Variants in TECPR1 observed in about 807,000 individuals in gnomAD.
TECPR1 encodes the protein tectonin beta-propeller repeat-containing protein 1.
TECPR1 carries 122 observed loss-of-function variants against 162.4 expected under a neutral mutation model. That is an observed-to-expected ratio of 0.75 (90% CI 0.65 to 0.87). The LOEUF is 0.87. TECPR1 is among the 40% of genes least tolerant of loss of function. The pLI, the probability that TECPR1 is intolerant of heterozygous loss-of-function variation, is 0.00. For synonymous variants in TECPR1, 642 were observed against 670.6 expected, an observed-to-expected ratio of 0.96 and a Z score of 0.66; for missense variants, 1,432 against 1,618.2, an observed-to-expected ratio of 0.88 and a Z score of 1.97.
intron 10 of TECPR1, among the ~76,000 whole-genome samples, 154 bp downstream of exon 10, chr7:98,236,622 C>T (rs1220254474): frequency 6.6e-6 from 1 of 151,366 alleles, no homozygotes; most frequent in African/African-American, 2.4e-5. Context: ...GGCTTCGGCT[C>T]TTGTGGCTTT....
intron 11 of TECPR1, 117 bp downstream of exon 11, chr7:98,233,304 G>A: frequency 7.8e-7 from 1 of 1,273,898 alleles, no homozygotes; most frequent in Non-Finnish European, 1.0e-6. Context: ...GCACAGTGAG[G>A]CGTCCAGGGA....
At chr7:98,223,527 T>G (rs2116541911) in intron 20 of TECPR1, 135 bp downstream of exon 20, 2 of 877,798 alleles carry the variant, frequency 2.3e-6, no homozygotes, top group East Asian at 5.0e-5. Flanking sequence ...TTCACCCTAC[T>G]CCCCACTGCT....
intron 10 of TECPR1, among the ~76,000 whole-genome samples, chr7:98,235,883 C>T (rs192405700): frequency 1.4e-5 from 2 of 148,136 alleles, no homozygotes; most frequent in East Asian, 3.9e-4. Flanking sequence ...CCTCAGGTGA[C>T]ACATGAGCAA....
chr7:98,225,461 G>A (rs1798256961), intron 17 of TECPR1, among the ~76,000 whole-genome samples: 1 of 152,046 alleles, frequency 6.6e-6, no homozygotes, highest in Admixed American at 6.5e-5. Flanking sequence ...CTTGAACCCG[G>A]GAGGCGGAGG....
In TECPR1 at chr7:98,246,544, C is replaced by T. The variant is rs148295000; in HGVS notation, c.-19-379G>A. ...CCTCCCAAAGTGCTGGGATTACAGG[C>T]GTGAGCCACCGCGCGTGGCCAACTG... On this transcript the variant is annotated intron_variant, in intron 2 of 25. Transcript: ENST00000447648. Among the ~76,000 whole-genome samples the T allele has an allele frequency of 5.6e-3, 857 of 152,050 alleles. 10 individuals carry two copies. The highest frequency in any genetic ancestry group is 0.024 in the Middle Eastern group (7 of 294).
intron 6 of TECPR1, among the ~76,000 whole-genome samples, chr7:98,243,220 C>G (rs536152180): frequency 1.9e-4 from 29 of 152,212 alleles, no homozygotes; most frequent in African/African-American, 6.5e-4. Flanking sequence ...CACACTATTC[C>G]TGAAGACTGT....
In TECPR1 at chr7:98,223,737, T is replaced by C. The variant is rs1798203906; in HGVS notation, c.2691-19A>G. 6.2e-7 allele frequency: 1 copy of C among 1,613,584 alleles called. No individual in the cohort carries two copies. The highest frequency in any genetic ancestry group is 8.5e-7 in the Non-Finnish European group (1 of 1,179,698). ...GTATGAGCTGCAAGGAGGAAGAAGATGAAATCAGGGCCACTTCGTGGAAGT... is the reference window on the plus strand; with the variant it reads ...GTATGAGCTGCAAGGAGGAAGAAGACGAAATCAGGGCCACTTCGTGGAAGT... On this transcript the variant is annotated intron_variant, in intron 19 of 25. Coordinates refer to ENST00000447648, the MANE Select transcript of TECPR1 (RefSeq NM_015395.3).
chr7:98,222,289 C>T, intron 22 of TECPR1, 97 bp downstream of exon 22: 2 of 1,471,760 alleles, frequency 1.4e-6, no homozygotes, highest in Admixed American at 2.3e-5. Context: ...GGGGAAGTCC[C>T]AGCTTCTGGG....
intron 17 of TECPR1, chr7:98,226,586 G>C: frequency 1.3e-5 from 14 of 1,044,654 alleles, no homozygotes; most frequent in Non-Finnish European, 1.5e-5. Context: ...AGTTGTCAGA[G>C]AGTTTGTTGT....
At chr7:98,237,196 G>GT (rs1165365458) in intron 9 of TECPR1, among the ~76,000 whole-genome samples, 8 of 152,096 alleles carry the variant, frequency 5.3e-5, no homozygotes, top group Non-Finnish European at 1.2e-4. Flanking sequence ...GGGACGCTGT[G>GT]TTAGGAAATG....
chr7:98,244,358 T>G (rs1157934053), intron 5 of TECPR1, among the ~76,000 whole-genome samples: 1 of 152,216 alleles, frequency 6.6e-6, no homozygotes, highest in African/African-American at 2.4e-5. Flanking sequence ...TGTGCTGTCC[T>G]GGGCCTGGCC....
intron 3 of TECPR1, 158 bp from the exon 4 acceptor site, chr7:98,245,225 A>T: frequency 1.3e-6 from 1 of 765,634 alleles, no homozygotes; most frequent in Admixed American, 2.6e-5. Context: ...GGGACCCAGC[A>T]ACTGGGGACC....
At chr7:98,218,129 G>T in intron 23 of TECPR1, 87 bp from the exon 24 acceptor site, 1 of 1,095,812 alleles carries the variant, frequency 9.1e-7, no homozygotes, top group Non-Finnish European at 1.3e-6. Context: ...GCCAGGCCCC[G>T]CTCTAACCAC....
chr7:98,235,384 G>T lies in TECPR1; in HGVS notation c.1181+1392C>A, dbSNP rs534910162. Among the ~76,000 whole-genome samples the T allele has an allele frequency of 6.8e-4, 103 of 152,254 alleles. 2 individuals carry two copies. Among genetic ancestry groups the T allele is most frequent in the Non-Finnish European group, 1.1e-3 (72 of 68,028 alleles). ...ACTAAAAATACAAAAAATTAGCCAG[G>T]TGTGGTGGCGGGTGCCTGTAGTCCC... On this transcript the variant is annotated intron_variant, in intron 10 of 25. Transcript: ENST00000447648.
intron 15 of TECPR1, 145 bp from the exon 16 acceptor site, chr7:98,229,311 AC>A: frequency 1.8e-6 from 2 of 1,082,588 alleles, no homozygotes; most frequent in Non-Finnish European, 2.6e-6. Context: ...ACCCTGCCTG[AC>A]CTCCGCGTTC....
Position 98,235,849 on chromosome 7 carries a change from A to AAAACAAAAAAAAAAAAAAAACAAC in TECPR1, c.1181+926_1181+927insGTTGTTTTTTTTTTTTTTTTGTTT. Reference sequence around the variant, plus strand: ...TCTCAAAAAAAAAAAAAAAAAAAAAAAACACCATCTGAGCAGACTAAACCC... The same window carrying AAAACAAAAAAAAAAAAAAAACAAC: ...TCTCAAAAAAAAAAAAAAAAAAAAAAAAACAAAAAAAAAAAAAAAACAACAACACCATCTGAGCAGACTAAACCC... On this transcript the variant is annotated intron_variant, in intron 10 of 25. Coordinates refer to ENST00000447648, the MANE Select transcript of TECPR1 (RefSeq NM_015395.3). Among the ~76,000 whole-genome samples, 2 of 110,260 alleles carry AAAACAAAAAAAAAAAAAAAACAAC rather than the reference A, an allele frequency of 1.8e-5. 1 individual carries two copies. 72.3% of individuals were successfully genotyped at this position (110,260 alleles called of 152,430 possible).
chr7:98,239,592 A>T (rs1358612921), intron 8 of TECPR1, among the ~76,000 whole-genome samples: 1 of 152,078 alleles, frequency 6.6e-6, no homozygotes, highest in Non-Finnish European at 1.5e-5. Context: ...AATGTTGCCC[A>T]TTTAATCCAA....
chr7:98,247,831 T>C (rs1463499846), intron 2 of TECPR1, among the ~76,000 whole-genome samples: 1 of 152,164 alleles, frequency 6.6e-6, no homozygotes, highest in Non-Finnish European at 1.5e-5. Flanking sequence ...CAAGCCATCC[T>C]CCTGCCTCAG....
Position 98,222,468 on chromosome 7 carries a change from G to T in TECPR1, c.2982C>A (p.Ile994=), listed in dbSNP as rs369865845. ...CGGCCCACACCTGGTAGCAGGCCCC[G>T]ATGGAGATGGAGGCGAAGGGCTGGT... The part of the protein sequence containing the change: ...GTDQPFASIS[I]GACYQVWAVA... Residue 994 remains isoleucine (I), a synonymous_variant, in exon 22 of 26, where the codon ATC becomes ATA. Coordinates refer to ENST00000447648, the MANE Select transcript of TECPR1 (RefSeq NM_015395.3). 8 of 1,594,666 alleles carry T rather than the reference G, an allele frequency of 5.0e-6. No homozygotes were observed. The highest frequency in any genetic ancestry group is 6.8e-6 in the Non-Finnish European group (8 of 1,171,766).
Sources: gnomAD v4.1 joint callset for allele counts (sites outside exome capture counted in the v4.1 genomes callset) on GRCh38, gnomAD v4.1.1 for gene constraint, MANE v1.5 for transcripts, NCBI Gene and HGNC (gene_info 2026-07-23, HGNC 2026-07-21) for gene names.